The following CCDC175 variants were observed in gnomAD, a reference collection of about 807,000 sequenced individuals.
CCDC175 encodes the protein coiled-coil domain containing 175.
Under a neutral mutation model 114.6 loss-of-function variants are expected in CCDC175, and 100 were observed. The observed-to-expected ratio is 0.87, with a 90% CI of 0.74 to 1.03. The LOEUF (loss-of-function observed/expected upper bound fraction) is 1.03. Ranked by LOEUF, CCDC175 falls within the 50% of genes least tolerant of loss-of-function variation. CCDC175 has a pLI of 0.00. For synonymous variants in CCDC175, 306 were observed against 308.7 expected (o/e 0.99, Z 0.09); for missense variants, 880 against 917.8 (o/e 0.96, Z 0.53).
intron 8 of CCDC175, among the ~76,000 whole-genome samples, chr14:59,546,176 G>A (rs1191940180): frequency 6.6e-6 from 1 of 152,166 alleles, no homozygotes; most frequent in Non-Finnish European, 1.5e-5. Context: ...CAACATGGGT[G>A]CACCTAGAGG....
At position 59,551,347 on chromosome 14, in the gene CCDC175, C is replaced by T. The variant is rs1266562304; in HGVS notation, c.1035+8G>A. ...ATAATGTAAAAGTCATGACTTCTGC[C>T]TTCTTACCTGTTTTATCTTGTTCAG... On this transcript the variant is annotated splice_region_variant and intron_variant, in intron 8 of 19. Transcript: ENST00000537690. 4 of 1,256,204 alleles carry T rather than the reference C, an allele frequency of 3.2e-6. No homozygotes were observed. The highest frequency in any genetic ancestry group is 1.6e-5 in the South Asian group (1 of 64,316). 77.8% of individuals were successfully genotyped at this position (1,256,204 alleles called of 1,614,324 possible).
chr14:59,542,854 T>C (rs1595033661), intron 10 of CCDC175, among the ~76,000 whole-genome samples: 1 of 152,222 alleles, frequency 6.6e-6, no homozygotes, highest in East Asian at 1.9e-4. Flanking sequence ...ATCCAATTTT[T>C]GGATACATAC....
intron 7 of CCDC175, among the ~76,000 whole-genome samples, chr14:59,556,425 T>A (rs1053236361): frequency 2.0e-5 from 3 of 152,254 alleles, no homozygotes; most frequent in Admixed American, 6.5e-5. Flanking sequence ...AAGCTGAAAC[T>A]GGATCCCTTC....
chr14:59,530,108 T>A (rs1016165464), intron 14 of CCDC175, among the ~76,000 whole-genome samples: 8 of 152,092 alleles, frequency 5.3e-5, no homozygotes, highest in Non-Finnish European at 1.2e-4. Context: ...TGGTGGCTCA[T>A]GCCTATAATC....
chr14:59,542,604 C>A (rs1216764615), intron 10 of CCDC175, among the ~76,000 whole-genome samples: 1 of 151,766 alleles, frequency 6.6e-6, no homozygotes, highest in East Asian at 1.9e-4. Context: ...GTGTATTATA[C>A]TATAATCTGC....
intron 4 of CCDC175, among the ~76,000 whole-genome samples, 163 bp from the exon 5 acceptor site, chr14:59,565,438 C>T (rs902449887): frequency 2.6e-5 from 4 of 152,176 alleles, no homozygotes; most frequent in South Asian, 2.1e-4. Context: ...GGTGCAGTGG[C>T]TCATGCCTGT....
At position 59,527,072 on chromosome 14, in the gene CCDC175, GAATT is replaced by G; in HGVS notation, c.1842+19_1842+22del. On this transcript the variant is annotated intron_variant, in intron 15 of 19. Coordinates refer to ENST00000537690, the MANE Select transcript of CCDC175 (RefSeq NM_001164399.2). ...ACTATTCTAATAATAATAAAAAAAAGAATTAATGCATTGATCTTTTACCATGTTG... is the reference window on the plus strand; with the variant it reads ...ACTATTCTAATAATAATAAAAAAAAGAATGCATTGATCTTTTACCATGTTG... 1 of 1,233,990 alleles carries G rather than the reference GAATT, an allele frequency of 8.1e-7. No individual in the cohort carries two copies. The highest frequency in any genetic ancestry group is 1.1e-6 in the Non-Finnish European group (1 of 913,480). 76.4% of individuals were successfully genotyped at this position (1,233,990 alleles called of 1,614,324 possible).
At chr14:59,517,541 G>C (rs1893169404) in intron 17 of CCDC175, among the ~76,000 whole-genome samples, 1 of 152,144 alleles carries the variant, frequency 6.6e-6, no homozygotes, top group African/African-American at 2.4e-5. Flanking sequence ...CAAACAGAGA[G>C]CCAAATCGTG....
intron 7 of CCDC175, among the ~76,000 whole-genome samples, chr14:59,554,333 A>G (rs907495154): frequency 1.7e-4 from 26 of 152,248 alleles, no homozygotes; most frequent in Admixed American, 5.9e-4. Context: ...GCTCAACTAC[A>G]TGGAAACTGA....
intron 3 of CCDC175, among the ~76,000 whole-genome samples, chr14:59,570,458 C>G (rs1329644539): frequency 6.6e-6 from 1 of 151,862 alleles, no homozygotes; most frequent in East Asian, 1.9e-4. Flanking sequence ...CTTATTAAGA[C>G]CACTCTTTTT....
At chr14:59,538,597 G>A (rs981825196) in intron 12 of CCDC175, 108 bp downstream of exon 12, 36 of 951,666 alleles carry the variant, frequency 3.8e-5, no homozygotes, top group Non-Finnish European at 4.9e-5. Flanking sequence ...CATGAAATCA[G>A]CAGAAAGGAA....
At chr14:59,505,738 C>T (rs184415446) in intron 19 of CCDC175, among the ~76,000 whole-genome samples, 2 of 152,014 alleles carry the variant, frequency 1.3e-5, no homozygotes, top group African/African-American at 2.4e-5. Flanking sequence ...AAAAATCAAC[C>T]CTTGTCTTTG....
intron 15 of CCDC175, among the ~76,000 whole-genome samples, chr14:59,526,262 C>T: frequency 6.6e-6 from 1 of 152,016 alleles, no homozygotes; most frequent in South Asian, 2.1e-4. Flanking sequence ...TTGTAATTTT[C>T]TCCTTCATAT....
intron 7 of CCDC175, among the ~76,000 whole-genome samples, chr14:59,552,047 A>G (rs2103967): frequency 0.58 from 88,808 of 152,170 alleles, 26,845 homozygotes; most frequent in East Asian, 0.83. Context: ...TGGGGGCAGG[A>G]CATAGCCGAA....
intron 4 of CCDC175, among the ~76,000 whole-genome samples, chr14:59,565,938 A>T (rs947961227): frequency 6.6e-6 from 1 of 152,178 alleles, no homozygotes; most frequent in Non-Finnish European, 1.5e-5. Context: ...ATGTATTGTC[A>T]TCATGTCTAT....
intron 16 of CCDC175, among the ~76,000 whole-genome samples, chr14:59,523,933 G>T (rs1327829458): frequency 1.3e-5 from 2 of 151,936 alleles, no homozygotes; most frequent in African/African-American, 4.8e-5. Context: ...AGCTTGCAGT[G>T]AGCCGAGATC....
intron 5 of CCDC175, among the ~76,000 whole-genome samples, chr14:59,564,088 A>T (rs1896381955): frequency 6.6e-6 from 1 of 152,210 alleles, no homozygotes. Flanking sequence ...GAATATTGAA[A>T]TAGTAAATTT....
At chr14:59,573,242 T>C (rs1896933728) in intron 2 of CCDC175, among the ~76,000 whole-genome samples, 3 of 152,332 alleles carry the variant, frequency 2.0e-5, no homozygotes, top group Non-Finnish European at 4.4e-5. Flanking sequence ...GCTGTTATTA[T>C]TACTTTTAGC....
chr14:59,551,368 T>C lies in CCDC175; in HGVS notation c.1022A>G (p.Asn341Ser), dbSNP rs1259113404. The C allele has an allele frequency of 2.8e-6, 4 of 1,407,480 alleles. No homozygotes were observed. Among genetic ancestry groups the C allele is most frequent in the Middle Eastern group, 2.0e-4 (1 of 4,912 alleles). The allele number at this position is 1,407,480 out of a possible 1,614,324, so 87.2% of individuals were successfully genotyped here. A position where few individuals can be genotyped will look rare whatever the true frequency, so the allele number is the denominator to read the frequency against. The change falls in exon 8 of 20, where the codon AAC becomes AGC. Residue 341 changes from asparagine (N) to serine (S), a missense_variant. Asn to Ser is a conservative substitution (Grantham distance 46). Transcript: ENST00000537690. The part of the protein sequence containing the change: ...ISNDEKNEFL[N>S]KIKQLVETLH... ...CTGCCTTCTTACCTGTTTTATCTTG[T>C]TCAGGAATTCATTTTTTTCATCATT...
Sources: allele counts gnomAD v4.1 joint callset (sites outside exome capture counted in the v4.1 genomes callset), GRCh38; gene constraint gnomAD v4.1.1; transcripts MANE v1.5; gene names NCBI Gene and HGNC (gene_info 2026-07-23, HGNC 2026-07-21).